CDYL2: variants seen among roughly 807,000 people sequenced by gnomAD.
The protein encoded by CDYL2 is chromodomain Y like 2.
CDYL2 carries 23 observed loss-of-function variants against 49.4 expected under a neutral mutation model. The observed-to-expected ratio is 0.47, with a 90% CI of 0.34 to 0.66. The LOEUF is 0.66. Ranked by LOEUF, CDYL2 falls within the 30% of genes least tolerant of loss-of-function variation. CDYL2 has a pLI of 0.01. For missense variants in CDYL2, 678 were observed against 656.4 expected, an observed-to-expected ratio of 1.03 and a Z score of -0.36; for synonymous variants, 360 against 268.8, an observed-to-expected ratio of 1.34 and a Z score of -3.32.
At chr16:80,679,277 A>AATAC (rs371399602) in intron 2 of CDYL2, among the ~76,000 whole-genome samples, 9,593 of 114,302 alleles carry the variant, frequency 0.084, 700 homozygotes, top group African/African-American at 0.21. Flanking sequence ...AAAATATATA[A>AATAC]ATAAATAAAT....
intron 2 of CDYL2, among the ~76,000 whole-genome samples, chr16:80,674,467 T>G (rs961133646): frequency 2.0e-5 from 3 of 152,212 alleles, no homozygotes; most frequent in African/African-American, 7.2e-5. Context: ...AGATTTATTT[T>G]ACATACTATA....
intron 1 of CDYL2, 84 bp from the exon 2 acceptor site, chr16:80,685,213 C>G: frequency 9.0e-7 from 1 of 1,111,156 alleles, no homozygotes. Flanking sequence ...ACCATAAAGC[C>G]TTTGGGATAG....
At chr16:80,653,238 G>A (rs1908662150) in intron 2 of CDYL2, among the ~76,000 whole-genome samples, 1 of 152,232 alleles carries the variant, frequency 6.6e-6, no homozygotes, top group Non-Finnish European at 1.5e-5. Flanking sequence ...GGCCAAGGCA[G>A]GCGGATCACC....
intron 4 of CDYL2, among the ~76,000 whole-genome samples, chr16:80,618,069 C>T (rs753843455): frequency 9.9e-5 from 15 of 152,210 alleles, no homozygotes; most frequent in Non-Finnish European, 1.5e-4. Context: ...TCCTTTCCCA[C>T]GCCCCCATCC....
intron 1 of CDYL2, among the ~76,000 whole-genome samples, chr16:80,786,263 A>T (rs1032332818): frequency 7.9e-5 from 12 of 152,248 alleles, no homozygotes; most frequent in African/African-American, 2.4e-4. Context: ...AAACAAATTT[A>T]CAAGAAAAAA....
At chr16:80,780,121 A>ATT (rs923390280) in intron 1 of CDYL2, among the ~76,000 whole-genome samples, 2 of 152,018 alleles carry the variant, frequency 1.3e-5, no homozygotes, top group Non-Finnish European at 2.9e-5. Context: ...TGTGACCAGA[A>ATT]TTTTTTTTAA....
chr16:80,733,263 T>C (rs1905396651), intron 1 of CDYL2, among the ~76,000 whole-genome samples: 1 of 152,166 alleles, frequency 6.6e-6, no homozygotes, highest in African/African-American at 2.4e-5. Flanking sequence ...TGTGTGCATT[T>C]CAAGTAACCC....
intron 1 of CDYL2, among the ~76,000 whole-genome samples, chr16:80,782,506 A>T (rs147522814): frequency 2.7e-5 from 4 of 147,618 alleles, no homozygotes; most frequent in African/African-American, 1.0e-4. Context: ...CACTAAACTG[A>T]TCCCAAAGCC....
intron 2 of CDYL2, among the ~76,000 whole-genome samples, chr16:80,651,718 G>A (rs936084006): frequency 9.2e-5 from 14 of 152,266 alleles, no homozygotes; most frequent in Non-Finnish European, 1.9e-4. Context: ...ATATGGTGCC[G>A]ACATAAATAA....
At chr16:80,648,270 G>C (rs1908438133) in intron 2 of CDYL2, among the ~76,000 whole-genome samples, 2 of 151,966 alleles carry the variant, frequency 1.3e-5, no homozygotes, top group East Asian at 1.9e-4. Context: ...GCCAGACTAA[G>C]AAAAACAGAG....
At chr16:80,613,156 T>C (rs534618781) in intron 4 of CDYL2, among the ~76,000 whole-genome samples, 6 of 152,104 alleles carry the variant, frequency 3.9e-5, no homozygotes, top group Admixed American at 1.3e-4. Flanking sequence ...ACCCTAGATA[T>C]TGACAGAATT....
chr16:80,740,124 A>T (rs559627261), intron 1 of CDYL2, among the ~76,000 whole-genome samples: 1 of 152,322 alleles, frequency 6.6e-6, no homozygotes, highest in South Asian at 2.1e-4. Context: ...ATCGGGCAGG[A>T]TTGACAACCA....
At chr16:80,761,157 G>A (rs376428677) in intron 1 of CDYL2, among the ~76,000 whole-genome samples, 19 of 152,272 alleles carry the variant, frequency 1.2e-4, no homozygotes, top group African/African-American at 4.6e-4. Flanking sequence ...GGCCCCACCA[G>A]GGACCTACTG....
rs575903999 is a variant in CDYL2 at position 80,750,600 on chromosome 16, A to G, written c.24+53550T>C. Among the ~76,000 whole-genome samples the G allele has an allele frequency of 9.2e-5, 14 of 152,348 alleles. No individual in the cohort carries two copies. The East Asian group carries it at 9.6e-4, about 10-fold the overall frequency. Reference sequence around the variant, plus strand: ...GCATTAAAACAACCCACCCAAAAATATATTATCAAAATTATTAGAGAGGAG... The same window carrying G: ...GCATTAAAACAACCCACCCAAAAATGTATTATCAAAATTATTAGAGAGGAG... On this transcript the variant is annotated intron_variant, in intron 1 of 6. Transcript: ENST00000570137.
At position 80,679,803 on chromosome 16, in the gene CDYL2, A is replaced by C. The variant is rs973133950; in HGVS notation, c.616+4735T>G. The stretch of plus-strand genomic sequence containing the variant: ...TTGGAGCTCATTAGTCTAGAGCAGT[A>C]GTTCTGAAACTGGGCTCACTGGACC... On this transcript the variant is annotated intron_variant, in intron 2 of 6. Transcript: ENST00000570137. The C allele has an allele frequency of 1.1e-5, 5 of 455,726 alleles. No individual in the cohort carries two copies. The East Asian group carries it at 3.5e-4, about 32-fold the overall frequency. 28.2% of individuals were successfully genotyped at this position (455,726 alleles called of 1,614,324 possible). A position where few individuals can be genotyped will look rare whatever the true frequency, so the allele number is the denominator to read the frequency against.
At chr16:80,607,679 C>G (rs78362611) in intron 6 of CDYL2, among the ~76,000 whole-genome samples, 4,060 of 152,286 alleles carry the variant, frequency 0.027, 187 homozygotes, top group African/African-American at 0.092. Flanking sequence ...GTGGAGAAAA[C>G]AAATGAAATA....
intron 1 of CDYL2, among the ~76,000 whole-genome samples, chr16:80,759,118 A>ATATATATATATATATATATATATGTTT (rs1567597470): frequency 3.4e-5 from 4 of 118,486 alleles, no homozygotes; most frequent in African/African-American, 3.7e-5. Context: ...ATATATATAT[A>ATATATATATATATATATATATATGTTT]TATATATATA....
intron 1 of CDYL2, among the ~76,000 whole-genome samples, chr16:80,803,452 G>A (rs1907987854): frequency 1.3e-5 from 2 of 152,024 alleles, no homozygotes; most frequent in African/African-American, 2.4e-5. Context: ...TCGCCCCCAG[G>A]GAGCACGACA....
At chr16:80,744,583 G>A (rs1905861037) in intron 1 of CDYL2, among the ~76,000 whole-genome samples, 1 of 152,166 alleles carries the variant, frequency 6.6e-6, no homozygotes, top group African/African-American at 2.4e-5. Flanking sequence ...ACAAGAAAAT[G>A]TCATTGTCTT....
Sources: gnomAD v4.1 joint callset for allele counts (sites outside exome capture counted in the v4.1 genomes callset) on GRCh38, gnomAD v4.1.1 for gene constraint, MANE v1.5 for transcripts, NCBI Gene and HGNC (gene_info 2026-07-23, HGNC 2026-07-21) for gene names.